Variants in SNTG1 observed in about 807,000 individuals in gnomAD.
SNTG1 encodes the protein gamma-1-syntrophin.
A neutral mutation model predicts 74.7 loss-of-function variants in SNTG1; 39 were observed. The observed-to-expected ratio is 0.52, with a 90% CI of 0.40 to 0.68. SNTG1 has a LOEUF of 0.68. Among genes scored for constraint, SNTG1 ranks in the 30% least tolerant of loss-of-function variants. The pLI is 0.00. For missense variants in SNTG1, 685 were observed against 609.5 expected (o/e 1.12, Z -1.30); for synonymous variants, 254 against 217.1 (o/e 1.17, Z -1.49).
At chr8:50,311,527 T>C (rs530342681) in intron 2 of SNTG1, among the ~76,000 whole-genome samples, 16 of 152,334 alleles carry the variant, frequency 1.1e-4, no homozygotes, top group South Asian at 6.2e-4. Context: ...CGAATCATCT[T>C]TTACATACAA....
intron 1 of SNTG1, among the ~76,000 whole-genome samples, chr8:49,994,748 T>C (rs943350829): frequency 8.6e-5 from 13 of 151,986 alleles, no homozygotes; most frequent in African/African-American, 2.9e-4. Context: ...TATAATGAGA[T>C]GAAAGATGAC....
At chr8:50,675,796 C>A (rs1188514706) in intron 15 of SNTG1, among the ~76,000 whole-genome samples, 2 of 151,864 alleles carry the variant, frequency 1.3e-5, no homozygotes, top group Non-Finnish European at 2.9e-5. Context: ...TGGCTGGTAC[C>A]CGTTTTTCCT....
At chr8:50,018,959 C>G (rs1001903736) in intron 1 of SNTG1, among the ~76,000 whole-genome samples, 1 of 151,880 alleles carries the variant, frequency 6.6e-6, no homozygotes, top group African/African-American at 2.4e-5. Context: ...TATGATCCAG[C>G]AAATCTACTC....
chr8:50,558,745 A>T lies in SNTG1; in HGVS notation c.810+5566A>T, dbSNP rs146800745. Among the ~76,000 whole-genome samples the T allele has an allele frequency of 5.4e-3, 820 of 152,232 alleles. 7 individuals are homozygous for T. The highest frequency in any genetic ancestry group is 0.018 in the African/African-American group (766 of 41,564). On this transcript the variant is annotated intron_variant, in intron 12 of 18. Transcript: ENST00000642720. ...GATATTTGTAGAGTATCAGAAAAAA[A>T]TAACTGCTATTATACCTTGGAAATA...
chr8:49,927,633 T>TA, intron 1 of SNTG1, among the ~76,000 whole-genome samples: 1 of 152,164 alleles, frequency 6.6e-6, no homozygotes, highest in South Asian at 2.1e-4. Context: ...ATGGAGACAG[T>TA]AAAAAATATA....
At chr8:49,962,717 C>T (rs756991464) in intron 1 of SNTG1, among the ~76,000 whole-genome samples, 3 of 152,156 alleles carry the variant, frequency 2.0e-5, no homozygotes, top group South Asian at 2.1e-4. Flanking sequence ...GCCTCAGCCT[C>T]CTGAGTAGCT....
intron 1 of SNTG1, among the ~76,000 whole-genome samples, chr8:50,047,558 C>A (rs1819202440): frequency 6.6e-6 from 1 of 152,054 alleles, no homozygotes; most frequent in African/African-American, 2.4e-5. Context: ...ACATTCATGA[C>A]CAGAATGTTT....
chr8:50,584,853 C>T (rs551036620), intron 12 of SNTG1, among the ~76,000 whole-genome samples: 6 of 152,208 alleles, frequency 3.9e-5, no homozygotes, highest in African/African-American at 1.4e-4. Flanking sequence ...GCAGATGGAG[C>T]TGCCCTTCTG....
intron 17 of SNTG1, among the ~76,000 whole-genome samples, chr8:50,750,068 A>G (rs1023811941): frequency 2.0e-5 from 3 of 152,094 alleles, no homozygotes; most frequent in African/African-American, 7.2e-5. Flanking sequence ...AGATGCCATT[A>G]CATTATATAT....
chr8:50,095,524 G>T lies in SNTG1; in HGVS notation c.-102-77037G>T, dbSNP rs574285314. Among the ~76,000 whole-genome samples the T allele has an allele frequency of 1.1e-4, 16 of 152,076 alleles. 1 individual carries two copies. The highest frequency in any genetic ancestry group is 9.8e-4 in the Admixed American group (15 of 15,256). ...TATACAGTGGATTTTATATACAATA[G>T]ATTTTTATACAAGCACATTTCATAA... On this transcript the variant is annotated intron_variant, in intron 1 of 18. Transcript: ENST00000642720.
chr8:50,424,850 A>G (rs1223871827), intron 4 of SNTG1, among the ~76,000 whole-genome samples: 1 of 152,214 alleles, frequency 6.6e-6, no homozygotes, highest in Non-Finnish European at 1.5e-5. Flanking sequence ...TAAGAATTGC[A>G]CAAGATGGAA....
At chr8:50,743,092 C>T (rs1486151926) in intron 17 of SNTG1, among the ~76,000 whole-genome samples, 1 of 137,438 alleles carries the variant, frequency 7.3e-6, no homozygotes, top group Non-Finnish European at 1.6e-5. Context: ...AAGTTATTCT[C>T]AAATTCTTAC....
chr8:50,614,917 A>G (rs1205328340), intron 13 of SNTG1, among the ~76,000 whole-genome samples: 1 of 151,654 alleles, frequency 6.6e-6, no homozygotes, highest in Admixed American at 6.6e-5. Context: ...TTTTAAGATA[A>G]TCAGGGGTTT....
chr8:50,096,963 TTTA>T (rs1009772024), intron 1 of SNTG1, among the ~76,000 whole-genome samples: 11 of 151,896 alleles, frequency 7.2e-5, no homozygotes, highest in Middle Eastern at 3.4e-3. Flanking sequence ...ACTAAAACTT[TTTA>T]TTATTATTAT....
intron 2 of SNTG1, among the ~76,000 whole-genome samples, chr8:50,258,755 A>C (rs1586869616): frequency 6.6e-6 from 1 of 152,170 alleles, no homozygotes; most frequent in Non-Finnish European, 1.5e-5. Flanking sequence ...GGAAAAAAAG[A>C]AGAAAGAAAA....
At chr8:50,623,876 ATC>A (rs1386694506) in intron 13 of SNTG1, among the ~76,000 whole-genome samples, 5 of 151,254 alleles carry the variant, frequency 3.3e-5, no homozygotes, top group African/African-American at 1.2e-4. Flanking sequence ...TGTTTTTATT[ATC>A]TCTTTTTTTA....
chr8:50,663,878 A>T (rs1002342410), intron 15 of SNTG1, among the ~76,000 whole-genome samples: 1 of 152,170 alleles, frequency 6.6e-6, no homozygotes, highest in African/African-American at 2.4e-5. Context: ...ATCCTGACAG[A>T]TAACTATCCT....
rs184051311 is a variant in SNTG1 at position 50,681,644 on chromosome 8, C to T, written c.1039-22956C>T. On this transcript the variant is annotated intron_variant, in intron 15 of 18. Coordinates refer to ENST00000642720, the MANE Select transcript of SNTG1 (RefSeq NM_018967.5). ...AGTGTTGTACTATTTTGTAAAACAA[C>T]GAGAGAGGAGGACCGAAAGCCTCAG... Among the ~76,000 whole-genome samples the T allele has an allele frequency of 1.1e-3, 162 of 152,194 alleles. 1 individual carries two copies. The highest frequency in any genetic ancestry group is 6.2e-3 in the Admixed American group (95 of 15,290).
intron 1 of SNTG1, among the ~76,000 whole-genome samples, chr8:50,131,966 C>A (rs1484994166): frequency 1.3e-5 from 2 of 151,882 alleles, no homozygotes; most frequent in African/African-American, 2.4e-5. Flanking sequence ...TGTTATATAC[C>A]TGTTGGAGAT....
Sources: allele counts gnomAD v4.1 joint callset (sites outside exome capture counted in the v4.1 genomes callset), GRCh38; gene constraint gnomAD v4.1.1; transcripts MANE v1.5; gene names NCBI Gene and HGNC (gene_info 2026-07-23, HGNC 2026-07-21).